Variants in PPARGC1A observed in about 807,000 individuals in gnomAD.
PPARGC1A encodes PPARG coactivator 1 alpha, also known as peroxisome proliferator-activated receptor gamma coactivator 1-alpha.
In PPARGC1A, 25 loss-of-function variants were observed where a neutral mutation model predicts 88.7. The observed-to-expected ratio is 0.28, with a 90% CI of 0.21 to 0.39. The LOEUF (loss-of-function observed/expected upper bound fraction) is 0.39, where lower values mean the gene tolerates loss of function less well. PPARGC1A is among the 10% of genes least tolerant of loss of function. PPARGC1A has a pLI of 1.00. For missense variants in PPARGC1A, 880 were observed against 968.7 expected (o/e 0.91, Z 1.22); for synonymous variants, 363 against 355.6 (o/e 1.02, Z -0.24).
At chr4:24,175,374 C>A in the PPARGC1A span, among the ~76,000 whole-genome samples, 5 of 127,324 alleles carry the variant, frequency 3.9e-5, no homozygotes, top group Admixed American at 8.2e-5. Context: ...CTCTTTGTTT[C>A]GTTTTTTTTT....
the PPARGC1A span, among the ~76,000 whole-genome samples, chr4:24,149,178 C>G: frequency 6.6e-6 from 1 of 152,038 alleles, no homozygotes; most frequent in Non-Finnish European, 1.5e-5. Flanking sequence ...TAAAATCAGT[C>G]TGATAAAGAA....
chr4:24,290,238 A>T, the PPARGC1A span, among the ~76,000 whole-genome samples: 4 of 151,816 alleles, frequency 2.6e-5, no homozygotes, highest in African/African-American at 9.7e-5. Flanking sequence ...TTTTTTCCAT[A>T]GGTTGTTGGG....
At chr4:24,381,322 G>T in the PPARGC1A span, among the ~76,000 whole-genome samples, 2 of 152,176 alleles carry the variant, frequency 1.3e-5, no homozygotes, top group East Asian at 3.8e-4. Flanking sequence ...TTTAAGGAGA[G>T]TGTGGCAACT....
At chr4:24,007,886 C>T in the PPARGC1A span, among the ~76,000 whole-genome samples, 7 of 152,164 alleles carry the variant, frequency 4.6e-5, no homozygotes, top group African/African-American at 1.7e-4. Flanking sequence ...GACATAGAAA[C>T]TCAGAGCTGC....
chr4:24,128,272 T>C, the PPARGC1A span, among the ~76,000 whole-genome samples: 24 of 152,370 alleles, frequency 1.6e-4, no homozygotes, highest in African/African-American at 5.0e-4. Context: ...TTTTTCCTTC[T>C]TTAAAATGGA....
chr4:24,426,129 C>T, the PPARGC1A span, among the ~76,000 whole-genome samples: 1 of 152,108 alleles, frequency 6.6e-6, no homozygotes, highest in Non-Finnish European at 1.5e-5. Context: ...AAGTTTAGAC[C>T]TTGTCCTTAT....
At chr4:24,191,184 G>A in the PPARGC1A span, among the ~76,000 whole-genome samples, 4 of 152,152 alleles carry the variant, frequency 2.6e-5, no homozygotes, top group Admixed American at 6.5e-5. Context: ...ATGTATTCTC[G>A]GAGCAGAAAT....
intron 10 of PPARGC1A, among the ~76,000 whole-genome samples, chr4:23,802,714 GA>G (rs1719037397): frequency 8.0e-6 from 1 of 125,692 alleles, no homozygotes; most frequent in African/African-American, 3.0e-5. Context: ...TAACCCTCTA[GA>G]AACATTCATA....
At chr4:24,018,548 G>A in the PPARGC1A span, among the ~76,000 whole-genome samples, 2 of 152,112 alleles carry the variant, frequency 1.3e-5, no homozygotes, top group African/African-American at 2.4e-5. Context: ...CAACCTCAAG[G>A]CAGAGGCACA....
the PPARGC1A span, among the ~76,000 whole-genome samples, chr4:24,113,847 G>A: frequency 4.4e-4 from 67 of 152,034 alleles, no homozygotes; most frequent in Non-Finnish European, 8.1e-4. Context: ...AGAGGGGCTG[G>A]GTACAGTGGC....
chr4:24,381,448 G>A, the PPARGC1A span, among the ~76,000 whole-genome samples: 1 of 152,248 alleles, frequency 6.6e-6, no homozygotes, highest in Non-Finnish European at 1.5e-5. Flanking sequence ...TGCAACTGCA[G>A]TAATGATTAC....
At chr4:24,185,166 A>G in the PPARGC1A span, among the ~76,000 whole-genome samples, 2 of 152,162 alleles carry the variant, frequency 1.3e-5, no homozygotes, top group African/African-American at 4.8e-5. Flanking sequence ...AAATGTTGAC[A>G]TTTTTCCCTC....
chr4:24,058,796 T>G, the PPARGC1A span, among the ~76,000 whole-genome samples: 1 of 151,908 alleles, frequency 6.6e-6, no homozygotes, highest in Non-Finnish European at 1.5e-5. Context: ...AAATACAAAA[T>G]TAGCCGGGCG....
At chr4:24,102,895 C>T in the PPARGC1A span, among the ~76,000 whole-genome samples, 4 of 152,138 alleles carry the variant, frequency 2.6e-5, no homozygotes, top group Non-Finnish European at 5.9e-5. Flanking sequence ...AACAACACTG[C>T]GAATCAGGAG....
chr4:24,282,426 C>A, the PPARGC1A span, among the ~76,000 whole-genome samples: 1 of 152,058 alleles, frequency 6.6e-6, no homozygotes, highest in African/African-American at 2.4e-5. Flanking sequence ...TTTTGTTGCC[C>A]CCAAATCAGC....
At chr4:24,164,986 C>A in the PPARGC1A span, among the ~76,000 whole-genome samples, 3 of 152,020 alleles carry the variant, frequency 2.0e-5, no homozygotes, top group African/African-American at 4.8e-5. Context: ...GATTCAAAGT[C>A]CCTCCAAGAT....
At chr4:24,233,970 A>G in the PPARGC1A span, among the ~76,000 whole-genome samples, 1 of 152,342 alleles carries the variant, frequency 6.6e-6, no homozygotes, top group East Asian at 1.9e-4. Context: ...GATACACAGA[A>G]CACAATGAAT....
At chr4:23,957,674 G>T in the PPARGC1A span, among the ~76,000 whole-genome samples, 9 of 152,014 alleles carry the variant, frequency 5.9e-5, no homozygotes, top group African/African-American at 2.2e-4. Context: ...CTCTTCTAAT[G>T]CCACCTACTG....
At chr4:23,829,380 T>C in intron 4 of PPARGC1A, 83 bp downstream of exon 4, 1 of 1,465,062 alleles carries the variant, frequency 6.8e-7, no homozygotes, top group Non-Finnish European at 9.4e-7. Context: ...GCTGAATTAA[T>C]ACCTACAAAC....
Sources: allele counts gnomAD v4.1 joint callset (sites outside exome capture counted in the v4.1 genomes callset), GRCh38; gene constraint gnomAD v4.1.1; transcripts MANE v1.5; gene names NCBI Gene and HGNC (gene_info 2026-07-23, HGNC 2026-07-21).